Variants in SLC35F1 observed in about 807,000 individuals in gnomAD.
The protein encoded by SLC35F1 is solute carrier family 35 member F1.
SLC35F1 carries 14 observed loss-of-function variants against 48.7 expected under a neutral mutation model. That is an observed-to-expected ratio of 0.29 (90% CI 0.19 to 0.45). The LOEUF is 0.45. SLC35F1 is among the 20% of genes least tolerant of loss of function. The probability of loss-of-function intolerance (pLI) is 1.00; values close to 1 mark genes in which losing one functional copy is unlikely to be tolerated. For missense variants in SLC35F1, 404 were observed against 500.0 expected (o/e 0.81, Z 1.83); for synonymous variants, 190 against 202.2 (o/e 0.94, Z 0.51).
intron 1 of SLC35F1, among the ~76,000 whole-genome samples, chr6:118,033,873 C>T (rs1035685596): frequency 2.6e-5 from 4 of 152,156 alleles, no homozygotes; most frequent in African/African-American, 9.7e-5. Context: ...TCATTGAGAT[C>T]TGTGCTGGCC....
At chr6:118,162,755 G>A (rs1163906036) in intron 2 of SLC35F1, among the ~76,000 whole-genome samples, 1 of 152,050 alleles carries the variant, frequency 6.6e-6, no homozygotes, top group African/African-American at 2.4e-5. Flanking sequence ...AATTGTACCT[G>A]CATCAAGGAA....
intron 7 of SLC35F1, among the ~76,000 whole-genome samples, chr6:118,312,449 T>C (rs934947935): frequency 6.6e-6 from 1 of 152,198 alleles, no homozygotes; most frequent in Non-Finnish European, 1.5e-5. Flanking sequence ...AATCAAAGAA[T>C]GAGGCACATT....
intron 1 of SLC35F1, among the ~76,000 whole-genome samples, chr6:118,080,712 T>C (rs551390415): frequency 6.6e-6 from 1 of 152,238 alleles, no homozygotes; most frequent in South Asian, 2.1e-4. Context: ...ATTGGGAAGA[T>C]AGTGGGAGTC....
chr6:118,013,557 T>A (rs1306682559), intron 1 of SLC35F1, among the ~76,000 whole-genome samples: 4 of 152,222 alleles, frequency 2.6e-5, no homozygotes, highest in African/African-American at 9.6e-5. Context: ...CATTTCTCCT[T>A]TTCAATATCT....
intron 7 of SLC35F1, among the ~76,000 whole-genome samples, chr6:118,312,554 CAT>C (rs1776383354): frequency 1.3e-5 from 2 of 152,134 alleles, no homozygotes; most frequent in African/African-American, 4.8e-5. Flanking sequence ...GTAGGGTTAT[CAT>C]ATGGTTTCAA....
intron 7 of SLC35F1, among the ~76,000 whole-genome samples, chr6:118,301,187 A>T (rs1229006009): frequency 3.9e-5 from 6 of 152,020 alleles, no homozygotes. Flanking sequence ...TTTGGTAATT[A>T]TTTTTTTAAT....
intron 1 of SLC35F1, among the ~76,000 whole-genome samples, chr6:118,149,625 G>A (rs1281280995): frequency 1.3e-5 from 2 of 152,156 alleles, no homozygotes; most frequent in African/African-American, 4.8e-5. Flanking sequence ...TCTGATAAAA[G>A]GTTCCTTTCA....
chr6:118,139,364 G>A (rs1214513657), intron 1 of SLC35F1, among the ~76,000 whole-genome samples: 3 of 152,050 alleles, frequency 2.0e-5, no homozygotes, highest in Admixed American at 2.0e-4. Flanking sequence ...CACCCGTCTC[G>A]GCCTCTCAAA....
intron 1 of SLC35F1, among the ~76,000 whole-genome samples, chr6:118,135,647 A>C (rs540124223): frequency 3.8e-4 from 58 of 152,330 alleles, no homozygotes; most frequent in African/African-American, 1.3e-3. Context: ...CAGATTAAAC[A>C]CCTGCTGGTT....
chr6:118,029,526 T>C (rs1221185166), intron 1 of SLC35F1, among the ~76,000 whole-genome samples: 2 of 152,178 alleles, frequency 1.3e-5, no homozygotes, highest in African/African-American at 2.4e-5. Flanking sequence ...ATGTTGTATA[T>C]ACAGGAAAAA....
intron 1 of SLC35F1, among the ~76,000 whole-genome samples, chr6:118,056,181 CAT>C (rs1452962929): frequency 2.6e-5 from 4 of 152,096 alleles, no homozygotes; most frequent in African/African-American, 9.7e-5. Context: ...TTATCTCTAG[CAT>C]ATATGTTAGG....
chr6:118,161,146 G>T (rs533884613), intron 2 of SLC35F1, among the ~76,000 whole-genome samples: 213 of 152,104 alleles, frequency 1.4e-3, no homozygotes, highest in Non-Finnish European at 2.4e-3. Context: ...CACAACAAAG[G>T]CTTGGAAACT....
rs191281142 is a variant in SLC35F1 at position 118,238,009 on chromosome 6, G to T, written c.477+2373G>T. On this transcript the variant is annotated intron_variant, in intron 3 of 7. Transcript: ENST00000360388. ...GAAGTTCTCACTAGAAAAAAACATT[G>T]TTTCTTTCCTTCCACCTCCCCTCTT... Among the ~76,000 whole-genome samples the T allele has an allele frequency of 2.7e-3, 411 of 152,160 alleles. 1 individual carries two copies. The highest frequency in any genetic ancestry group is 9.1e-3 in the African/African-American group (376 of 41,508).
In SLC35F1 at chr6:117,907,741, G is replaced by C. The variant is rs746786201; in HGVS notation, c.15G>C (p.Glu5Asp). 1.3e-6 allele frequency: 2 copies of C among 1,544,518 alleles called. No homozygotes were observed. The highest frequency in any genetic ancestry group is 1.4e-5 in the African/African-American group (1 of 70,236). ...CCTCTGCCGCGATGATCCCCCCTGA[G>C]CAGCCGCAGCAGCAGCTGCAGCCGC... MIPP[E>D]QPQQQLQPPS... Residue 5 changes from glutamate (E) to aspartate (D), a missense_variant, in exon 1 of 8, where the codon GAG (glutamate) becomes GAC (aspartate). This residue lies in a region of SLC35F1 where 98 missense variants were observed against 81.0 expected (regional missense o/e 1.21). Coordinates refer to ENST00000360388, the MANE Select transcript of SLC35F1 (RefSeq NM_001029858.4).
intron 1 of SLC35F1, among the ~76,000 whole-genome samples, chr6:118,006,863 AAT>A (rs1474960349): frequency 2.0e-5 from 3 of 152,286 alleles, no homozygotes; most frequent in African/African-American, 7.2e-5. Flanking sequence ...CATGTATGTG[AAT>A]ATGTTACATG....
chr6:118,206,425 C>T (rs1774936654), intron 2 of SLC35F1, among the ~76,000 whole-genome samples: 1 of 152,212 alleles, frequency 6.6e-6, no homozygotes, highest in Non-Finnish European at 1.5e-5. Context: ...CTTCTCCCAG[C>T]AGGAGGGCAT....
Position 118,256,205 on chromosome 6 carries a change from GGTGTGTGTGTGTGTGTGTGTGTGTGTGT to G in SLC35F1, c.478-10768_478-10741del, listed in dbSNP as rs71554895. Among the ~76,000 whole-genome samples the G allele has an allele frequency of 4.9e-3, 706 of 143,210 alleles. 1 individual carries two copies. Among genetic ancestry groups the G allele is most frequent in the East Asian group, 0.011 (54 of 4,728 alleles). The allele number at this position is 143,210 out of a possible 152,430, so 94.0% of individuals were successfully genotyped here. A position where few individuals can be genotyped will look rare whatever the true frequency, so the allele number is the denominator to read the frequency against. The stretch of plus-strand genomic sequence containing the variant: ...GCCTGTCAGCTTAAAGAAGACTTCT[GGTGTGTGTGTGTGTGTGTGTGTGTGTGT>G]GTGTGTGTGTGTGTGTGTGTGACTG... On this transcript the variant is annotated intron_variant, in intron 3 of 7. Transcript: ENST00000360388.
chr6:118,246,540 A>G (rs1243134631), intron 3 of SLC35F1, among the ~76,000 whole-genome samples: 2 of 152,154 alleles, frequency 1.3e-5, no homozygotes, highest in African/African-American at 4.8e-5. Flanking sequence ...TGACACCTGA[A>G]CAGGATCTGT....
intron 2 of SLC35F1, 72 bp downstream of exon 2, chr6:118,154,692 A>G: frequency 7.1e-7 from 1 of 1,406,980 alleles, no homozygotes; most frequent in Non-Finnish European, 9.6e-7. Flanking sequence ...TGACCAGATA[A>G]CGTTTTGTCA....
Sources: gnomAD v4.1 joint callset for allele counts (sites outside exome capture counted in the v4.1 genomes callset) on GRCh38, gnomAD v4.1.1 for gene constraint, gnomAD v4.1.1 regional missense constraint, MANE v1.5 for transcripts, NCBI Gene and HGNC (gene_info 2026-07-23, HGNC 2026-07-21) for gene names.